TWSG1: variants seen among roughly 807,000 people sequenced by gnomAD.
TWSG1 encodes the protein twisted gastrulation protein homolog 1.
TWSG1 carries 15 observed loss-of-function variants against 23.0 expected under a neutral mutation model. The ratio of observed to expected loss-of-function variants is 0.65; its 90% confidence interval spans 0.44 to 1.00. The LOEUF (loss-of-function observed/expected upper bound fraction) is 1.00, where lower values mean the gene tolerates loss of function less well. Ranked by LOEUF, TWSG1 falls within the 50% of genes least tolerant of loss-of-function variation. TWSG1 has a pLI of 0.00. For missense variants in TWSG1, 242 were observed against 278.7 expected (o/e 0.87, Z 0.94); for synonymous variants, 86 against 92.8 (o/e 0.93, Z 0.42).
rs149965130 is a variant in TWSG1, at chr18:9,355,880, A to G, written c.124-4092A>G. Reference sequence around the variant, plus strand: ...AATGCTGACGTGAGTTATGAAGAATAGAGAGTATTTGATGTATGTGGAGGC... The same window carrying G: ...AATGCTGACGTGAGTTATGAAGAATGGAGAGTATTTGATGTATGTGGAGGC... On this transcript the variant is annotated intron_variant, in intron 2 of 4. Coordinates refer to ENST00000262120, the MANE Select transcript of TWSG1 (RefSeq NM_020648.6). 3.9e-4 allele frequency among the ~76,000 whole-genome samples: 60 copies of G among 152,350 alleles called. No individual in the cohort carries two copies. The East Asian group carries it at 0.011, about 29-fold the overall frequency.
At chr18:9,355,849 A>G (rs1432003262) in intron 2 of TWSG1, among the ~76,000 whole-genome samples, 1 of 152,204 alleles carries the variant, frequency 6.6e-6, no homozygotes, top group African/African-American at 2.4e-5. Flanking sequence ...CCCATCTCCT[A>G]AAAAGAATGC....
At chr18:9,376,311 A>G (rs2040630295) in intron 3 of TWSG1, among the ~76,000 whole-genome samples, 1 of 152,204 alleles carries the variant, frequency 6.6e-6, no homozygotes, top group Non-Finnish European at 1.5e-5. Flanking sequence ...TGGAAAGGCA[A>G]AAGACACAGA....
chr18:9,359,126 G>A (rs1034004772), intron 2 of TWSG1, among the ~76,000 whole-genome samples: 21 of 152,054 alleles, frequency 1.4e-4, no homozygotes. Flanking sequence ...TCTGTGGGTT[G>A]ACAGTTTGAG....
At chr18:9,349,675 C>G (rs2145597982) in intron 2 of TWSG1, among the ~76,000 whole-genome samples, 1 of 151,984 alleles carries the variant, frequency 6.6e-6, no homozygotes, top group Admixed American at 6.5e-5. Flanking sequence ...TTCTTTTTTT[C>G]TTAATCAGTG....
intron 3 of TWSG1, among the ~76,000 whole-genome samples, chr18:9,367,831 T>C (rs2040587060): frequency 6.6e-6 from 1 of 152,222 alleles, no homozygotes; most frequent in Admixed American, 6.5e-5. Context: ...GGCTGAATAG[T>C]ATTCCATTGT....
intron 2 of TWSG1, among the ~76,000 whole-genome samples, chr18:9,351,792 G>A (rs1199621520): frequency 6.6e-6 from 1 of 151,822 alleles, no homozygotes; most frequent in South Asian, 2.1e-4. Flanking sequence ...TTACAGGCAC[G>A]CATCACCACC....
At chr18:9,378,177 A>G (rs1052818425) in intron 3 of TWSG1, among the ~76,000 whole-genome samples, 1 of 152,228 alleles carries the variant, frequency 6.6e-6, no homozygotes, top group Non-Finnish European at 1.5e-5. Context: ...TATCTAATAA[A>G]GGACTGTTAC....
chr18:9,397,935 T>C (rs1568041541), intron 4 of TWSG1, among the ~76,000 whole-genome samples: 1 of 131,392 alleles, frequency 7.6e-6, no homozygotes, highest in South Asian at 2.4e-4. Flanking sequence ...GCCTGGGAGG[T>C]GGAGGTTGCG....
intron 2 of TWSG1, among the ~76,000 whole-genome samples, chr18:9,349,379 T>C (rs2040491372): frequency 1.3e-5 from 2 of 152,196 alleles, no homozygotes; most frequent in South Asian, 4.1e-4. Context: ...CATGAAAATA[T>C]TCAAAATTGG....
intron 3 of TWSG1, among the ~76,000 whole-genome samples, chr18:9,368,425 A>G (rs1300045897): frequency 6.6e-6 from 1 of 150,922 alleles, no homozygotes; most frequent in African/African-American, 2.4e-5. Context: ...TTGGTCTTGA[A>G]CTCTTGACCT....
chr18:9,374,098 A>T (rs898061374), intron 3 of TWSG1, among the ~76,000 whole-genome samples: 1 of 152,226 alleles, frequency 6.6e-6, no homozygotes, highest in African/African-American at 2.4e-5. Context: ...AAAAAGACAA[A>T]AGATCTAAAA....
intron 2 of TWSG1, among the ~76,000 whole-genome samples, chr18:9,357,991 G>A (rs991693901): frequency 1.3e-5 from 2 of 152,124 alleles, no homozygotes; most frequent in Admixed American, 6.5e-5. Flanking sequence ...AATAAAAATA[G>A]AAATCATTTT....
intron 2 of TWSG1, among the ~76,000 whole-genome samples, chr18:9,347,043 A>G (rs2040480570): frequency 6.6e-6 from 1 of 152,232 alleles, no homozygotes; most frequent in African/African-American, 2.4e-5. Context: ...ATATAGTGGT[A>G]TCATATTGTT....
At chr18:9,340,384 A>G (rs559603437) in intron 2 of TWSG1, among the ~76,000 whole-genome samples, 461 of 151,358 alleles carry the variant, frequency 3.0e-3, no homozygotes, top group Non-Finnish European at 4.7e-3. Flanking sequence ...AAAAAAAAAA[A>G]AAAAAAGAAA....
chr18:9,390,431 G>T (rs1006989064), intron 3 of TWSG1, among the ~76,000 whole-genome samples: 1 of 152,118 alleles, frequency 6.6e-6, no homozygotes, highest in Non-Finnish European at 1.5e-5. Context: ...AAAGTGCTGG[G>T]ATTACAGGCG....
chr18:9,354,330 G>A (rs1598823612), intron 2 of TWSG1, among the ~76,000 whole-genome samples: 1 of 152,256 alleles, frequency 6.6e-6, no homozygotes. Flanking sequence ...GGACTTTGGG[G>A]GAGGTGGTAG....
intron 3 of TWSG1, among the ~76,000 whole-genome samples, chr18:9,370,359 T>C (rs1459866960): frequency 6.6e-6 from 1 of 152,090 alleles, no homozygotes; most frequent in Non-Finnish European, 1.5e-5. Flanking sequence ...TCGTGGCACT[T>C]TCTGTATTTT....
intron 3 of TWSG1, among the ~76,000 whole-genome samples, chr18:9,386,153 G>T (rs2040682820): frequency 7.0e-6 from 1 of 143,714 alleles, no homozygotes; most frequent in African/African-American, 2.6e-5. Flanking sequence ...AACACAGCGA[G>T]AATCTGTCTC....
At chr18:9,363,973 A>G (rs980940650) in intron 3 of TWSG1, among the ~76,000 whole-genome samples, 3 of 152,184 alleles carry the variant, frequency 2.0e-5, no homozygotes, top group African/African-American at 7.2e-5. Context: ...CTCAGATCAT[A>G]CTTAGATTTC....
Sources: allele counts gnomAD v4.1 joint callset (sites outside exome capture counted in the v4.1 genomes callset), GRCh38; gene constraint gnomAD v4.1.1; transcripts MANE v1.5; gene names NCBI Gene and HGNC (gene_info 2026-07-23, HGNC 2026-07-21).